The following PCDH11Y variants were observed in gnomAD, a reference collection of about 807,000 sequenced individuals.
The protein encoded by PCDH11Y is protocadherin 11 Y-linked.
For synonymous variants in PCDH11Y, 9 were observed against 83.6 expected (o/e 0.11, Z 4.87); for missense variants, 12 against 224.8 (o/e 0.05, Z 6.05).
At chrY:5,422,949 CT>C (rs2053259602) in intron 2 of PCDH11Y, among the ~76,000 whole-genome samples, 3 of 33,015 alleles carry the variant, frequency 9.1e-5, no homozygotes, top group African/African-American at 3.5e-4. Flanking sequence ...TAAACAAACA[CT>C]TTTGTGCATC....
At chrY:5,530,622 T>G in intron 3 of PCDH11Y, among the ~76,000 whole-genome samples, 1 of 33,215 alleles carries the variant, frequency 3.0e-5, no homozygotes, top group Non-Finnish European at 7.5e-5. Context: ...ATTATGAATC[T>G]TCTATAATAA....
intron 2 of PCDH11Y, among the ~76,000 whole-genome samples, chrY:5,486,812 C>T (rs1602932701): frequency 1.9e-4 from 3 of 16,020 alleles, no homozygotes; most frequent in African/African-American, 2.6e-4. Context: ...TGCAGTGGCA[C>T]GATCTCAGCT....
At chrY:5,577,651 G>A (rs1293293323) in intron 3 of PCDH11Y, among the ~76,000 whole-genome samples, 1 of 32,810 alleles carries the variant, frequency 3.0e-5, no homozygotes, top group African/African-American at 1.2e-4. Flanking sequence ...TTTTATATTT[G>A]CAATACTTAT....
chrY:5,242,983 C>G (rs1602892349), intron 2 of PCDH11Y, among the ~76,000 whole-genome samples: 2 of 32,953 alleles, frequency 6.1e-5, no homozygotes, highest in Admixed American at 5.6e-4. Context: ...AAAAATTGAC[C>G]AGGATGTGTA....
At chrY:5,514,347 C>T in intron 3 of PCDH11Y, among the ~76,000 whole-genome samples, 1 of 30,225 alleles carries the variant, frequency 3.3e-5, no homozygotes, top group African/African-American at 1.3e-4. Context: ...CTCAAATTAA[C>T]CATCCAAAGT....
intron 2 of PCDH11Y, among the ~76,000 whole-genome samples, chrY:5,453,365 T>C: frequency 5.9e-5 from 2 of 33,894 alleles, no homozygotes; most frequent in African/African-American, 2.3e-4. Context: ...CATCTGTCAC[T>C]GTATACACAA....
chrY:5,276,797 A>G (rs2053045021), intron 2 of PCDH11Y, among the ~76,000 whole-genome samples: 1 of 32,918 alleles, frequency 3.0e-5, no homozygotes, highest in Non-Finnish European at 7.5e-5. Flanking sequence ...AGAAACTATA[A>G]TAGGCACAAT....
chrY:5,071,115 T>G, intron 1 of PCDH11Y, among the ~76,000 whole-genome samples: 1 of 32,392 alleles, frequency 3.1e-5, no homozygotes, highest in Admixed American at 2.9e-4. Flanking sequence ...TATTGTGATT[T>G]TATTAGTGTT....
At chrY:5,516,619 C>T in intron 3 of PCDH11Y, among the ~76,000 whole-genome samples, 1 of 32,537 alleles carries the variant, frequency 3.1e-5, no homozygotes, top group Non-Finnish European at 7.5e-5. Context: ...CGGGCATTTA[C>T]GTTTTTTTGT....
intron 2 of PCDH11Y, among the ~76,000 whole-genome samples, chrY:5,337,246 A>AT (rs2053139169): frequency 1.3e-4 from 4 of 31,700 alleles, no homozygotes; most frequent in East Asian, 1.6e-3. Context: ...CCATTTTTCA[A>AT]TTTTTTTTTA....
intron 3 of PCDH11Y, among the ~76,000 whole-genome samples, chrY:5,556,656 T>C: frequency 3.1e-5 from 1 of 32,740 alleles, no homozygotes; most frequent in African/African-American, 1.2e-4. Context: ...CAGAAGATCT[T>C]TAGTTTAATC....
At chrY:5,148,917 G>A (rs1602876521) in intron 2 of PCDH11Y, among the ~76,000 whole-genome samples, 1 of 32,831 alleles carries the variant, frequency 3.0e-5, no homozygotes, top group Non-Finnish European at 7.5e-5. Flanking sequence ...ATTGAACCAT[G>A]GTAAGTCAGG....
At chrY:5,033,104 T>C in intron 3 of PCDH11Y, among the ~76,000 whole-genome samples, 1 of 29,339 alleles carries the variant, frequency 3.4e-5, no homozygotes, top group Non-Finnish European at 8.1e-5. Context: ...CGTGCAAAGA[T>C]GTCTTTAGGA....
chrY:5,645,288 A>G, intron 4 of PCDH11Y, among the ~76,000 whole-genome samples: 1 of 32,916 alleles, frequency 3.0e-5, no homozygotes, highest in African/African-American at 1.2e-4. Context: ...CTTAAAATAA[A>G]ATTCATTCTT....
intron 3 of PCDH11Y, among the ~76,000 whole-genome samples, chrY:5,556,528 G>T: frequency 2.1e-4 from 7 of 33,011 alleles, no homozygotes; most frequent in Non-Finnish European, 5.2e-4. Flanking sequence ...ATAGATTCTT[G>T]ATATTAGTCC....
chrY:5,045,985 G>T, intron 3 of PCDH11Y, among the ~76,000 whole-genome samples: 2 of 32,835 alleles, frequency 6.1e-5, no homozygotes, highest in African/African-American at 2.4e-4. Flanking sequence ...GCACTTCTCT[G>T]TATTGGTTAT....
chrY:5,371,899 A>G, intron 2 of PCDH11Y, among the ~76,000 whole-genome samples: 1 of 32,793 alleles, frequency 3.0e-5, no homozygotes, highest in Admixed American at 2.8e-4. Context: ...CTCCATCTCA[A>G]AATAAATAAA....
chrY:5,118,487 G>A, intron 2 of PCDH11Y, among the ~76,000 whole-genome samples: 1 of 32,402 alleles, frequency 3.1e-5, no homozygotes, highest in African/African-American at 1.2e-4. Flanking sequence ...CCACCCACAT[G>A]GGCCTCCCAG....
chrY:5,390,017 T>G, intron 2 of PCDH11Y, among the ~76,000 whole-genome samples: 1 of 33,535 alleles, frequency 3.0e-5, no homozygotes, highest in African/African-American at 1.2e-4. Flanking sequence ...TAAGGTATCA[T>G]AAATAGAGTT....
Sources: gnomAD v4.1 joint callset for allele counts (sites outside exome capture counted in the v4.1 genomes callset) on GRCh38, gnomAD v4.1.1 for gene constraint, MANE v1.5 for transcripts, NCBI Gene and HGNC (gene_info 2026-07-23, HGNC 2026-07-21) for gene names.